PPP3CA: variants seen among roughly 807,000 people sequenced by gnomAD.
PPP3CA encodes the protein CAM-PRP catalytic subunit.
A neutral mutation model predicts 66.5 loss-of-function variants in PPP3CA; 14 were observed. That is an observed-to-expected ratio of 0.21 (90% CI 0.14 to 0.33). The LOEUF (loss-of-function observed/expected upper bound fraction) is 0.33. Among genes scored for constraint, PPP3CA ranks in the 10% least tolerant of loss-of-function variants. PPP3CA has a pLI of 1.00. For missense variants in PPP3CA, 317 were observed against 639.5 expected, an observed-to-expected ratio of 0.50 and a Z score of 5.44; for synonymous variants, 232 against 226.2, an observed-to-expected ratio of 1.03 and a Z score of -0.23.
intron 8 of PPP3CA, among the ~76,000 whole-genome samples, chr4:101,075,374 T>C (rs1307432856): frequency 6.6e-6 from 1 of 152,202 alleles, no homozygotes; most frequent in East Asian, 1.9e-4. Context: ...CAAAATAATT[T>C]TCATTTAACA....
chr4:101,293,005 C>T lies in PPP3CA; in HGVS notation c.58+53734G>A, dbSNP rs115517879. ...TGCTAACCATCCTATCCAAATCTCA[C>T]CTACTATTTCAAAATGTTACATTAA... On this transcript the variant is annotated intron_variant, in intron 1 of 13. Transcript: ENST00000394854. Among the ~76,000 whole-genome samples the T allele has an allele frequency of 6.1e-3, 931 of 152,278 alleles. 10 individuals are homozygous for T. The highest frequency in any genetic ancestry group is 0.02 in the African/African-American group (829 of 41,548).
intron 2 of PPP3CA, among the ~76,000 whole-genome samples, chr4:101,188,983 ATT>A (rs1724501498): frequency 6.6e-6 from 1 of 152,166 alleles, no homozygotes; most frequent in African/African-American, 2.4e-5. Context: ...AAAAATTTAT[ATT>A]CTTTTTATTT....
intron 1 of PPP3CA, among the ~76,000 whole-genome samples, chr4:101,317,750 C>G (rs1320661373): frequency 6.6e-6 from 1 of 152,162 alleles, no homozygotes; most frequent in African/African-American, 2.4e-5. Context: ...TCTCAACAAT[C>G]TTTCAGTCTT....
chr4:101,325,547 C>T (rs73835933), intron 1 of PPP3CA, among the ~76,000 whole-genome samples: 15,788 of 152,138 alleles, frequency 0.1, 2,787 homozygotes, highest in African/African-American at 0.36. Flanking sequence ...CTACTGTTAA[C>T]TAAATGAGTT....
rs192865776 is a variant in PPP3CA, at chr4:101,105,461, G to A, written c.384+3493C>T. 6.0e-4 allele frequency among the ~76,000 whole-genome samples: 90 copies of A among 149,700 alleles called. 1 individual carries two copies. Among genetic ancestry groups the A allele is most frequent in the Non-Finnish European group, 1.1e-3 (77 of 67,650 alleles). On this transcript the variant is annotated intron_variant, in intron 3 of 13. Transcript: ENST00000394854. ...ATTACAGGTTGAGCCACCACACCCA[G>A]CAACATCTTTACTTAAAAAAAAAAA...
chr4:101,142,476 T>C (rs1335868954), intron 2 of PPP3CA, among the ~76,000 whole-genome samples: 2 of 152,208 alleles, frequency 1.3e-5, no homozygotes, highest in African/African-American at 4.8e-5. Flanking sequence ...ATAATATCTA[T>C]CAATCACTGA....
At chr4:101,167,207 C>A (rs1442811905) in intron 2 of PPP3CA, among the ~76,000 whole-genome samples, 5 of 152,120 alleles carry the variant, frequency 3.3e-5, no homozygotes, top group Admixed American at 3.3e-4. Flanking sequence ...CTTTAGACAG[C>A]AATAGGGATG....
intron 10 of PPP3CA, among the ~76,000 whole-genome samples, chr4:101,043,861 G>T (rs1174663386): frequency 6.6e-6 from 1 of 151,730 alleles, no homozygotes; most frequent in East Asian, 1.9e-4. Context: ...GGCAACAAGA[G>T]TGAAACTCCA....
intron 7 of PPP3CA, among the ~76,000 whole-genome samples, chr4:101,081,209 C>T (rs9307252): frequency 0.18 from 28,096 of 151,914 alleles, 3,311 homozygotes; most frequent in African/African-American, 0.33. Flanking sequence ...GCAGTATATA[C>T]AAGCATTTTT....
At chr4:101,061,295 A>G in intron 9 of PPP3CA, 134 bp from the exon 10 acceptor site, 1 of 707,636 alleles carries the variant, frequency 1.4e-6, no homozygotes, top group Non-Finnish European at 2.4e-6. Context: ...GTTTCAGTAA[A>G]CATCCAGATC....
intron 3 of PPP3CA, among the ~76,000 whole-genome samples, chr4:101,106,463 A>AGAAAGAAAGAAAGAAGAGAAG (rs1560605247): frequency 3.0e-5 from 1 of 33,758 alleles, no homozygotes; most frequent in African/African-American, 1.7e-4. Context: ...GAGAAAAGAA[A>AGAAAGAAAGAAAGAAGAGAAG]AGAAAAGAAA....
chr4:101,186,238 C>G (rs909427704), intron 2 of PPP3CA, among the ~76,000 whole-genome samples: 1 of 151,984 alleles, frequency 6.6e-6, no homozygotes, highest in Non-Finnish European at 1.5e-5. Flanking sequence ...CGAAATACCC[C>G]CAAATAGTTT....
chr4:101,029,972 C>T (rs977383480), intron 12 of PPP3CA, among the ~76,000 whole-genome samples: 5 of 151,860 alleles, frequency 3.3e-5, no homozygotes, highest in Admixed American at 6.6e-5. Flanking sequence ...CAAGTGGTAA[C>T]GTGCCAGTAG....
intron 1 of PPP3CA, among the ~76,000 whole-genome samples, chr4:101,288,565 T>G (rs1727916528): frequency 1.4e-5 from 2 of 146,880 alleles, no homozygotes; most frequent in African/African-American, 5.1e-5. Context: ...AGGGGAGTGG[T>G]CGGAGGAGGG....
At chr4:101,093,049 T>C (rs561750271) in intron 6 of PPP3CA, among the ~76,000 whole-genome samples, 1 of 152,310 alleles carries the variant, frequency 6.6e-6, no homozygotes, top group Non-Finnish European at 1.5e-5. Flanking sequence ...TCCACAATGG[T>C]TGAACTAATT....
At position 101,333,293 on chromosome 4, in the gene PPP3CA, T is replaced by G. The variant is rs895680101; in HGVS notation, c.58+13446A>C. ...CAGTTTTTTTTTTTTTTTTTTTTTT[T>G]TTTTTTTTTTTTTTTTGTAGAGATG... is the stretch of plus-strand genomic sequence containing the variant. On this transcript the variant is annotated intron_variant, in intron 1 of 13. Transcript: ENST00000394854. Among the ~76,000 whole-genome samples the G allele has an allele frequency of 3.3e-3, 377 of 115,138 alleles. 8 individuals are homozygous for G. Among genetic ancestry groups the G allele is most frequent in the African/African-American group, 0.011 (317 of 29,144 alleles). The allele number at this position is 115,138 out of a possible 152,430, so 75.5% of individuals were successfully genotyped here.
At chr4:101,088,570 G>C (rs2110245066) in intron 6 of PPP3CA, among the ~76,000 whole-genome samples, 1 of 117,416 alleles carries the variant, frequency 8.5e-6, no homozygotes, top group African/African-American at 3.5e-5. Context: ...GGGCGACAGA[G>C]CAAGACTCCA....
intron 1 of PPP3CA, chr4:101,330,517 A>G (rs948198805): frequency 8.2e-6 from 4 of 484,992 alleles, no homozygotes; most frequent in Admixed American, 2.4e-5. Flanking sequence ...AAGTATGTAC[A>G]TTGCTTTTTT....
At chr4:101,036,066 A>G (rs1727231955) in intron 11 of PPP3CA, among the ~76,000 whole-genome samples, 1 of 152,246 alleles carries the variant, frequency 6.6e-6, no homozygotes, top group Non-Finnish European at 1.5e-5. Flanking sequence ...TGTAAAATAC[A>G]CATGGGATTT....
Sources: gnomAD v4.1 joint callset for allele counts (sites outside exome capture counted in the v4.1 genomes callset) on GRCh38, gnomAD v4.1.1 for gene constraint, MANE v1.5 for transcripts, NCBI Gene and HGNC (gene_info 2026-07-23, HGNC 2026-07-21) for gene names.